LRMDA: variants seen among roughly 807,000 people sequenced by gnomAD.
LRMDA encodes leucine-rich melanocyte differentiation-associated protein.
A neutral mutation model predicts 29.8 loss-of-function variants in LRMDA; 18 were observed. That is an observed-to-expected ratio of 0.60 (90% CI 0.42 to 0.90). The LOEUF is 0.90. Among genes scored for constraint, LRMDA ranks in the 40% least tolerant of loss-of-function variants. LRMDA has a pLI of 0.00. For missense variants in LRMDA, 273 were observed against 273.9 expected, an observed-to-expected ratio of 1.00 and a Z score of 0.02; for synonymous variants, 125 against 109.4, an observed-to-expected ratio of 1.14 and a Z score of -0.89.
intron 5 of LRMDA, among the ~76,000 whole-genome samples, chr10:76,235,883 T>C (rs1427454462): frequency 6.6e-6 from 1 of 152,204 alleles, no homozygotes; most frequent in African/African-American, 2.4e-5. Flanking sequence ...TTTACAGATG[T>C]AAGTTTCTTT....
intron 2 of LRMDA, among the ~76,000 whole-genome samples, chr10:75,920,250 C>A (rs1029900330): frequency 6.2e-4 from 94 of 152,120 alleles, no homozygotes; most frequent in African/African-American, 2.2e-3. Context: ...CCACCCCCAC[C>A]CAAAAGATCC....
chr10:76,289,633 A>C (rs762732453), intron 5 of LRMDA, among the ~76,000 whole-genome samples: 3 of 152,212 alleles, frequency 2.0e-5, no homozygotes, highest in Non-Finnish European at 4.4e-5. Context: ...CATTTTCAGG[A>C]ATACATTTAT....
At chr10:75,885,730 A>G (rs1181288152) in intron 2 of LRMDA, among the ~76,000 whole-genome samples, 1 of 152,234 alleles carries the variant, frequency 6.6e-6, no homozygotes, top group Non-Finnish European at 1.5e-5. Context: ...ATTGGGACTG[A>G]CTGAATATGA....
At chr10:76,157,502 T>TA (rs1375800600) in intron 5 of LRMDA, among the ~76,000 whole-genome samples, 1 of 152,066 alleles carries the variant, frequency 6.6e-6, no homozygotes, top group African/African-American at 2.4e-5. Flanking sequence ...TAGTCTCAGC[T>TA]ACTCAGAGGG....
chr10:75,910,931 T>A (rs1845832200), intron 2 of LRMDA, among the ~76,000 whole-genome samples: 1 of 152,196 alleles, frequency 6.6e-6, no homozygotes, highest in African/African-American at 2.4e-5. Flanking sequence ...TGTGGTTTAG[T>A]GTTGGGAGTT....
chr10:75,922,405 A>G (rs1241614869), intron 2 of LRMDA, among the ~76,000 whole-genome samples: 2 of 152,126 alleles, frequency 1.3e-5, no homozygotes, highest in Non-Finnish European at 2.9e-5. Context: ...TGGTTGGTTG[A>G]GTGTCAAGAC....
chr10:75,926,723 A>T (rs1187674291), intron 2 of LRMDA, among the ~76,000 whole-genome samples: 1 of 152,186 alleles, frequency 6.6e-6, no homozygotes, highest in African/African-American at 2.4e-5. Flanking sequence ...GCACCCACTC[A>T]TGCTGCTGTT....
intron 2 of LRMDA, among the ~76,000 whole-genome samples, chr10:75,551,064 G>GT (rs1009361493): frequency 3.6e-4 from 51 of 141,146 alleles, no homozygotes; most frequent in Non-Finnish European, 4.2e-4. Flanking sequence ...CTGGGAAAAT[G>GT]TTTTTTTTAC....
chr10:76,137,368 TTGA>T (rs1850113944), intron 5 of LRMDA, among the ~76,000 whole-genome samples: 1 of 152,196 alleles, frequency 6.6e-6, no homozygotes, highest in Non-Finnish European at 1.5e-5. Flanking sequence ...TTAATCTCAC[TTGA>T]TGAGGTCTTA....
chr10:75,597,566 T>TA lies in LRMDA; in HGVS notation c.131+159074dup, dbSNP rs1260406250. Among the ~76,000 whole-genome samples the TA allele has an allele frequency of 2.6e-5, 4 of 152,272 alleles. No homozygotes were observed. In the South Asian group the frequency reaches 8.3e-4, roughly 32 times the overall value. On this transcript the variant is annotated intron_variant, in intron 2 of 6. Coordinates refer to ENST00000611255, the MANE Select transcript of LRMDA (RefSeq NM_001305581.2). Reference sequence around the variant, plus strand: ...AGCACGGGAGAGAAAAAAGGTGTGGTAATCCTGGCGTAGCAGGTGGTGTGA... The same window carrying TA: ...AGCACGGGAGAGAAAAAAGGTGTGGTAAATCCTGGCGTAGCAGGTGGTGTGA...
At chr10:75,802,347 AC>A (rs1843767713) in intron 2 of LRMDA, among the ~76,000 whole-genome samples, 2 of 139,458 alleles carry the variant, frequency 1.4e-5, no homozygotes, top group Non-Finnish European at 3.1e-5. Flanking sequence ...ACACACACAC[AC>A]ACACACACAC....
At chr10:76,055,897 A>G (rs1848606906) in intron 4 of LRMDA, among the ~76,000 whole-genome samples, 1 of 152,174 alleles carries the variant, frequency 6.6e-6, no homozygotes, top group African/African-American at 2.4e-5. Context: ...GGGCTCCCCA[A>G]AGGGCCACAG....
chr10:76,028,142 G>A (rs1281084465), intron 2 of LRMDA, among the ~76,000 whole-genome samples: 1 of 152,136 alleles, frequency 6.6e-6, no homozygotes, highest in Non-Finnish European at 1.5e-5. Flanking sequence ...TTTGTTTGAA[G>A]TAAAAGCTTG....
At position 75,526,899 on chromosome 10, in the gene LRMDA, TA is replaced by T. The variant is rs560332742; in HGVS notation, c.131+88407del. Among the ~76,000 whole-genome samples, 588 of 152,034 alleles carry T rather than the reference TA, an allele frequency of 3.9e-3. 6 individuals are homozygous for T. The highest frequency in any genetic ancestry group is 0.014 in the African/African-American group (566 of 41,490). ...AAAACATAATATGAAATGTACCATTTAAGTTATTTTAAAGTACATAATTAAT... is the reference window on the plus strand; with the variant it reads ...AAAACATAATATGAAATGTACCATTTAGTTATTTTAAAGTACATAATTAAT... On this transcript the variant is annotated intron_variant, in intron 2 of 6. Coordinates refer to ENST00000611255, the MANE Select transcript of LRMDA (RefSeq NM_001305581.2).
intron 5 of LRMDA, among the ~76,000 whole-genome samples, chr10:76,227,131 T>A (rs1319815091): frequency 2.0e-5 from 3 of 152,178 alleles, no homozygotes; most frequent in African/African-American, 7.2e-5. Flanking sequence ...CAGGAGTTGG[T>A]TATGTTCTAT....
At position 75,559,890 on chromosome 10, in the gene LRMDA, A is replaced by C. The variant is rs1438848310; in HGVS notation, c.131+121396A>C. Among the ~76,000 whole-genome samples, 4 of 85,914 alleles carry C rather than the reference A, an allele frequency of 4.7e-5. 1 individual carries two copies. Among genetic ancestry groups the C allele is most frequent in the African/African-American group, 1.1e-4 (4 of 35,984 alleles). The allele number at this position is 85,914 out of a possible 152,430, so 56.4% of individuals were successfully genotyped here. ...GGCCACTGTTCTGTTCCATTGATCT[A>C]TCTCTCTGTTTTGGTACCAGTACCA... is the stretch of plus-strand genomic sequence containing the variant. On this transcript the variant is annotated intron_variant, in intron 2 of 6. Coordinates refer to ENST00000611255, the MANE Select transcript of LRMDA (RefSeq NM_001305581.2).
At chr10:76,419,135 G>T (rs145124111) in intron 6 of LRMDA, among the ~76,000 whole-genome samples, 1 of 152,160 alleles carries the variant, frequency 6.6e-6, no homozygotes, top group African/African-American at 2.4e-5. Flanking sequence ...TCTTAGTGGT[G>T]TATATTCTAT....
intron 2 of LRMDA, among the ~76,000 whole-genome samples, chr10:75,793,419 C>G (rs1468901546): frequency 6.6e-6 from 1 of 152,136 alleles, no homozygotes; most frequent in Non-Finnish European, 1.5e-5. Context: ...CAGACTTCTA[C>G]CCAGTAGGAC....
chr10:75,787,350 C>T (rs1843488094), intron 2 of LRMDA, among the ~76,000 whole-genome samples: 1 of 152,178 alleles, frequency 6.6e-6, no homozygotes, highest in South Asian at 2.1e-4. Flanking sequence ...CCTGTGCTTT[C>T]CCCATTACCT....
Sources: allele counts gnomAD v4.1 joint callset (sites outside exome capture counted in the v4.1 genomes callset), GRCh38; gene constraint gnomAD v4.1.1; transcripts MANE v1.5; gene names NCBI Gene and HGNC (gene_info 2026-07-23, HGNC 2026-07-21).